The following KMT2D variants were observed in gnomAD, a reference collection of about 807,000 sequenced individuals.
KMT2D encodes lysine methyltransferase 2D, also known as histone-lysine N-methyltransferase 2D.
A neutral mutation model predicts 512.7 loss-of-function variants in KMT2D; 55 were observed. That is an observed-to-expected ratio of 0.11 (90% CI 0.09 to 0.13). The LOEUF is 0.13. Among genes scored for constraint, KMT2D ranks in the 10% least tolerant of loss-of-function variants. KMT2D has a pLI of 1.00. For missense variants in KMT2D, 6,061 were observed against 7,127.9 expected (o/e 0.85, Z 5.39); for synonymous variants, 2,995 against 2,904.0 (o/e 1.03, Z -1.01).
At position 49,051,666 on chromosome 12, in the gene KMT2D, G is replaced by C. The variant is rs2120674361; in HGVS notation, c.2017C>G (p.Pro673Ala). 1.9e-6 allele frequency: 3 copies of C among 1,573,648 alleles called. No individual in the cohort carries two copies. The highest frequency in any genetic ancestry group is 2.6e-6 in the Non-Finnish European group (3 of 1,157,076). ...GACGTGGGAGACTCCTCAGGCGGTG[G>C]GGACAAGGGAGATTCCTCAGGCGGT... ...SPPPEESPLS[P>A]PPEESPTSPP... Residue 673 changes from proline (P) to alanine (A), a missense_variant, in exon 11 of 55, where the codon CCA becomes GCA. By Grantham distance (27) the Pro-to-Ala change is conservative. Transcript: ENST00000301067.
Position 49,046,035 on chromosome 12 carries a change from T to C in KMT2D, c.4693+30A>G, listed in dbSNP as rs2120598867. 1 of 1,611,548 alleles carries C rather than the reference T, an allele frequency of 6.2e-7. No individual in the cohort carries two copies. ...CAAAGCAAGGTACCCCTGCTCTGAC[T>C]CCTCCCCCTACCCAGCAGCTGGTAC... is the stretch of plus-strand genomic sequence containing the variant. On this transcript the variant is annotated intron_variant, in intron 18 of 54. Transcript: ENST00000301067. This position sits in a 1 kb window ranked among gnomAD's most constrained non-coding sequence, Gnocchi z 4.2.
Position 49,052,970 on chromosome 12 carries a change from G to T in KMT2D, c.1057C>A (p.Gln353Lys), listed in dbSNP as rs587778487. The T allele has an allele frequency of 6.2e-7, 1 of 1,614,020 alleles. No homozygotes were observed. The highest frequency in any genetic ancestry group is 1.3e-5 in the African/African-American group (1 of 75,050). Residue 353 changes from glutamine to lysine, a missense_variant, in exon 9 of 55, where the codon CAG (glutamine) becomes AAG (lysine). Physicochemically the swap from Gln to Lys is moderately conservative, Grantham distance 53. Around this residue, in one of 16 missense-constraint regions of KMT2D, gnomAD observed 848 missense variants for 838.5 expected, o/e 1.01. Coordinates refer to ENST00000301067, the MANE Select transcript of KMT2D (RefSeq NM_003482.4). ...YSLCHRCHKA[Q>K]GGQTIRSVAE... ...ACGGAGCGGATAGTCTGACCTCCCTGGGCTTTGTGACAGCGGTGACAGAGA... is the reference window on the plus strand; with the variant it reads ...ACGGAGCGGATAGTCTGACCTCCCTTGGCTTTGTGACAGCGGTGACAGAGA...
Position 49,057,448 on chromosome 12 carries a change from A to G in KMT2D, c.-37-2087T>C, listed in dbSNP as rs137932817. ...CCGAGCTCAGCCCTCTCAGGCTGGT[A>G]AGGCTGGTACTGCTCAAGAAGGTAC... On this transcript the variant is annotated intron_variant, in intron 1 of 54. Coordinates refer to ENST00000301067, the MANE Select transcript of KMT2D (RefSeq NM_003482.4). Among the ~76,000 whole-genome samples, 4 of 152,316 alleles carry G rather than the reference A, an allele frequency of 2.6e-5. No homozygotes were observed. The East Asian group carries it at 7.7e-4, about 29-fold the overall frequency.
In KMT2D at chr12:49,042,771, G is replaced by A. The variant is rs747722455; in HGVS notation, c.5752C>T (p.Arg1918Cys). ...GCGTPGLEGS[R>C]TPLQRPFLQG... ...AGAAAGGGCCTCTGCAGTGGCGTAC[G>A]GCTGCCTTCTAGGCCAGGGGTTCCA... is the stretch of plus-strand genomic sequence containing the variant. Residue 1918 changes from arginine to cysteine, a missense_variant, in exon 27 of 55, where the codon CGT becomes TGT. Around this residue, in one of 16 missense-constraint regions of KMT2D, gnomAD observed 640 missense variants for 814.3 expected, o/e 0.79. Coordinates refer to ENST00000301067, the MANE Select transcript of KMT2D (RefSeq NM_003482.4). This position sits in a 1 kb window ranked among gnomAD's most constrained non-coding sequence, Gnocchi z 4.4. 2.7e-5 allele frequency: 43 copies of A among 1,613,786 alleles called. No individual in the cohort carries two copies. Among genetic ancestry groups the A allele is most frequent in the Middle Eastern group, 3.3e-4 (2 of 6,080 alleles).
chr12:49,031,948 G>T lies in KMT2D; in HGVS notation c.12757C>A (p.Leu4253Ile), dbSNP rs778869365. Reference protein sequence around the residue: ...YQEPGTQTSPLQGLLGCQPQL... With the variant: ...YQEPGTQTSPIQGLLGCQPQL... ...GGTTGGCAGCCCAGGAGGCCCTGGA[G>T]GGGAGAGGTCTGGGTCCCAGGCTCC... The change falls in exon 40 of 55, where the codon CTC becomes ATC. Residue 4253 changes from leucine to isoleucine, a missense_variant. This residue lies in a region of KMT2D where 1,600 missense variants were observed against 1,754.9 expected (regional missense o/e 0.91). Coordinates refer to ENST00000301067, the MANE Select transcript of KMT2D (RefSeq NM_003482.4). 1 of 1,551,874 alleles carries T rather than the reference G, an allele frequency of 6.4e-7. No individual in the cohort carries two copies. Among genetic ancestry groups the T allele is most frequent in the South Asian group, 1.2e-5 (1 of 80,916 alleles).
Position 49,043,202 on chromosome 12 carries a change from G to A in KMT2D, c.5534-16C>T, listed in dbSNP as rs769698835. ...TCCTCAGGTCCTGTAAATGCCAGGA[G>A]AAACCCATGGGTCAAGGCCAGGATG... On this transcript the variant is annotated splice_polypyrimidine_tract_variant and intron_variant, in intron 25 of 54. Coordinates refer to ENST00000301067, the MANE Select transcript of KMT2D (RefSeq NM_003482.4). The A allele has an allele frequency of 4.4e-6, 7 of 1,608,654 alleles. No individual in the cohort carries two copies. The South Asian group carries it at 7.7e-5, about 18-fold the overall frequency.
chr12:49,034,553 C>G, intron 37 of KMT2D, 29 bp downstream of exon 37: 2 of 1,612,678 alleles, frequency 1.2e-6, no homozygotes, highest in Non-Finnish European at 1.7e-6. Context: ...GCATAAGACA[C>G]AAGTTCCTAC....
At position 49,032,275 on chromosome 12, in the gene KMT2D, G is replaced by A. The variant is rs398123712; in HGVS notation, c.12430C>T (p.Gln4144Ter). 1 of 1,613,948 alleles carries A rather than the reference G, an allele frequency of 6.2e-7. No homozygotes were observed. The change falls in exon 40 of 55, where the codon CAG (glutamine) becomes TAG (stop). Residue 4144 changes from glutamine to a stop codon, truncating the protein, a stop_gained. Transcript: ENST00000301067. LOFTEE classifies it high-confidence loss of function. ...AGGTTCTGGGTCATGGACCCAGGCT[G>A]ATCCCCTAAGGAAACAGAGGGCTGA... ...LAQPSVSLGD[Q>*]PGSMTQNLLG...
intron 54 of KMT2D, 49 bp downstream of exon 54, chr12:49,021,994 G>A (rs1942349882): frequency 6.4e-7 from 1 of 1,573,198 alleles, no homozygotes; most frequent in South Asian, 1.1e-5. Context: ...GAGAAGGGGT[G>A]AAAGGAGGAG....
rs1225208600 is a variant in KMT2D at position 49,050,519 on chromosome 12, C to T, written c.3069G>A (p.Gln1023=). 1 of 1,610,114 alleles carries T rather than the reference C, an allele frequency of 6.2e-7. No homozygotes were observed. The highest frequency in any genetic ancestry group is 1.1e-5 in the South Asian group (1 of 90,842). The change falls in exon 12 of 55, where the codon CAG becomes CAA. Residue 1023 remains glutamine (Q), a synonymous_variant. Transcript: ENST00000301067. ...SPILMEPLPP[Q]CSPLLQHSLV... is the part of the protein sequence containing the mutation. The stretch of plus-strand genomic sequence containing the variant: ...GGGAATGCTGAAGGAGTGGCGAACA[C>T]TGAGGAGGAAGGGGCTCCATCAGGA...
chr12:49,042,854 T>A lies in KMT2D; in HGVS notation c.5669A>T (p.Asp1890Val). The stretch of plus-strand genomic sequence containing the variant: ...AACATCCTTGAAGAGCTGCTGCAGG[T>A]CCTTGGATTCCATCTTGGGCAGTTC... ...TEELPKMESK[D>V]LQQLFKDVLG... The change falls in exon 27 of 55, where the codon GAC (aspartate) becomes GTC (valine). Residue 1890 changes from aspartate to valine, a missense_variant. Asp to Val is a radical substitution (Grantham distance 152). This residue lies in a region of KMT2D where 640 missense variants were observed against 814.3 expected (regional missense o/e 0.79). Coordinates refer to ENST00000301067, the MANE Select transcript of KMT2D (RefSeq NM_003482.4). The surrounding 1 kb of genome is among the most constrained non-coding windows in gnomAD (Gnocchi z 4.4). 6.2e-7 allele frequency: 1 copy of A among 1,613,842 alleles called. No individual in the cohort carries two copies. Among genetic ancestry groups the A allele is most frequent in the Non-Finnish European group, 8.5e-7 (1 of 1,179,844 alleles).
In KMT2D at chr12:49,044,452, T is replaced by C. The variant is rs2120583931; in HGVS notation, c.5034A>G (p.Lys1678=). The C allele has an allele frequency of 6.2e-7, 1 of 1,613,968 alleles. No individual in the cohort carries two copies. Among genetic ancestry groups the C allele is most frequent in the Non-Finnish European group, 8.5e-7 (1 of 1,179,896 alleles). ...GPVSPDVEPG[K]EETEESKKRK... is the part of the protein sequence containing the mutation. Reference sequence around the variant, plus strand: ...GTTTTTTGCTTTCCTCGGTCTCCTCTTTGCCAGGCTCCACATCAGGGCTGA... The same window carrying C: ...GTTTTTTGCTTTCCTCGGTCTCCTCCTTGCCAGGCTCCACATCAGGGCTGA... Residue 1678 remains lysine (K), a synonymous_variant, in exon 21 of 55, where the codon AAA becomes AAG. Coordinates refer to ENST00000301067, the MANE Select transcript of KMT2D (RefSeq NM_003482.4). This position sits in a 1 kb window ranked among gnomAD's most constrained non-coding sequence, Gnocchi z 6.4.
In KMT2D at chr12:49,044,636, C is replaced by G; in HGVS notation, c.4963+108G>C. ...TTGCCTCAGAGCCACTTAGACGAGA[C>G]AGCAGTGCTTAAGGGTAACTGAGTG... On this transcript the variant is annotated intron_variant, in intron 20 of 54. Coordinates refer to ENST00000301067, the MANE Select transcript of KMT2D (RefSeq NM_003482.4). The surrounding 1 kb of genome is among the most constrained non-coding windows in gnomAD (Gnocchi z 6.4). 2.6e-6 allele frequency: 4 copies of G among 1,551,626 alleles called. No individual in the cohort carries two copies. Among genetic ancestry groups the G allele is most frequent in the Non-Finnish European group, 3.5e-6 (4 of 1,139,778 alleles).
Position 49,033,831 on chromosome 12 carries a change from G to T in KMT2D, c.10874C>A (p.Pro3625His), listed in dbSNP as rs1475896289. ...AVLALSPSQS[P>H]RLLTKLPGQL... ...ACCAGGGAGCTTGGTGAGCAGCCGG[G>T]GACTCTGGGAAGGGCTGAGAGCCAG... Residue 3625 changes from proline (P) to histidine (H), a missense_variant, in exon 40 of 55, where the codon CCC becomes CAC. Physicochemically the swap from Pro to His is moderately conservative, Grantham distance 77. Around this residue, in one of 16 missense-constraint regions of KMT2D, gnomAD observed 1,600 missense variants for 1,754.9 expected, o/e 0.91. Transcript: ENST00000301067. The T allele has an allele frequency of 6.3e-7, 1 of 1,576,484 alleles. No individual in the cohort carries two copies. The highest frequency in any genetic ancestry group is 1.8e-5 in the Admixed American group (1 of 54,200).
rs2120512011 is a variant in KMT2D at position 49,039,498 on chromosome 12, A to G, written c.8166T>C (p.Ala2722=). The G allele has an allele frequency of 6.2e-7, 1 of 1,611,094 alleles. No individual in the cohort carries two copies. The highest frequency in any genetic ancestry group is 8.5e-7 in the Non-Finnish European group (1 of 1,178,600). Residue 2722 remains alanine, a synonymous_variant, in exon 33 of 55, where the codon GCT becomes GCC. Transcript: ENST00000301067. The surrounding 1 kb of genome is among the most constrained non-coding windows in gnomAD (Gnocchi z 5.0). ...GCTCAAAGGCAGGGCTGCTGGGCTC[A>G]GCACCCCAGCTGCCTGGAGGCCCCA... The part of the protein sequence containing the change: ...GAVGPPGSWG[A]EPSSPAFEQL...
Position 49,044,583 on chromosome 12 carries a change from C to A in KMT2D, c.4964-61G>T. 6.3e-7 allele frequency: 1 copy of A among 1,591,576 alleles called. No individual in the cohort carries two copies. Among genetic ancestry groups the A allele is most frequent in the Non-Finnish European group, 8.6e-7 (1 of 1,168,042 alleles). On this transcript the variant is annotated intron_variant, in intron 20 of 54. Transcript: ENST00000301067. The surrounding 1 kb of genome is among the most constrained non-coding windows in gnomAD (Gnocchi z 6.4). ...GAACTATAGGCCCTTTTAACCTTGT[C>A]ATCCTGCCACTGAGAGAGCTGAATA... is the stretch of plus-strand genomic sequence containing the variant.
Position 49,043,654 on chromosome 12 carries a change from T to A in KMT2D, c.5448A>T (p.Glu1816Asp), listed in dbSNP as rs2120571435. 17 of 1,613,876 alleles carry A rather than the reference T, an allele frequency of 1.1e-5. No individual in the cohort carries two copies. The highest frequency in any genetic ancestry group is 1.4e-5 in the Non-Finnish European group (17 of 1,179,858). Residue 1816 changes from glutamate (E) to aspartate (D), a missense_variant, in exon 24 of 55, where the codon GAA (glutamate) becomes GAT (aspartate). This residue lies in a region of KMT2D where 640 missense variants were observed against 814.3 expected (regional missense o/e 0.79). Coordinates refer to ENST00000301067, the MANE Select transcript of KMT2D (RefSeq NM_003482.4). ...AKGDGGSERKELPTSQKGDDG... is the reference protein window; with the variant it reads ...AKGDGGSERKDLPTSQKGDDG... ...ACTAACCTTTCTGCGATGTGGGGAG[T>A]TCCTTCCTTTCTGAGCCTCCATCTC...
Position 49,040,074 on chromosome 12 carries a change from A to G in KMT2D, c.7696T>C (p.Phe2566Leu), listed in dbSNP as rs200601740. ...TTGCCCAAGGTGGGGCCGGGCCCAA[A>G]ATGGCTGTTGATCCCATGGGGTGGC... ...LPPPHGINSH[F>L]GPGPTLGKPQ... The change falls in exon 32 of 55, where the codon TTT (phenylalanine) becomes CTT (leucine). Residue 2566 changes from phenylalanine to leucine, a missense_variant. Physicochemically the swap from Phe to Leu is conservative, Grantham distance 22. Coordinates refer to ENST00000301067, the MANE Select transcript of KMT2D (RefSeq NM_003482.4). 1.4e-5 allele frequency: 22 copies of G among 1,613,910 alleles called. No individual in the cohort carries two copies. The highest frequency in any genetic ancestry group is 1.3e-4 in the East Asian group (6 of 44,864).
At position 49,034,412 on chromosome 12, in the gene KMT2D, A is replaced by C; in HGVS notation, c.10505T>G (p.Ile3502Ser). Reference protein sequence around the residue: ...PNPPTFAQGVINEADQRQYEE... With the variant: ...PNPPTFAQGVSNEADQRQYEE... ...TTCCTCCCACGCCCCATACTCACTGATCACTCCCTGAGCAAAAGTGGGCGG... is the reference window on the plus strand; with the variant it reads ...TTCCTCCCACGCCCCATACTCACTGCTCACTCCCTGAGCAAAAGTGGGCGG... The change falls in exon 38 of 55, where the codon ATC becomes AGC. Residue 3502 changes from isoleucine (I) to serine (S), a missense_variant and splice_region_variant. Ile to Ser is a moderately radical substitution (Grantham distance 142). Transcript: ENST00000301067. 6.2e-7 allele frequency: 1 copy of C among 1,613,790 alleles called. No homozygotes were observed. Among genetic ancestry groups the C allele is most frequent in the Non-Finnish European group, 8.5e-7 (1 of 1,179,822 alleles).
Sources: allele counts gnomAD v4.1 joint callset (sites outside exome capture counted in the v4.1 genomes callset), GRCh38; gene constraint gnomAD v4.1.1; regional missense constraint gnomAD v4.1.1; non-coding constraint Gnocchi (gnomAD v3.1); transcripts MANE v1.5; gene names NCBI Gene and HGNC (gene_info 2026-07-23, HGNC 2026-07-21).